The following SARS2 variants were observed in gnomAD, a reference collection of about 807,000 sequenced individuals.
SARS2 encodes serine--tRNA ligase, mitochondrial.
SARS2 carries 52 observed loss-of-function variants against 66.8 expected under a neutral mutation model. The ratio of observed to expected loss-of-function variants is 0.78; its 90% CI spans 0.62 to 0.98. The LOEUF is 0.98. SARS2 is among the 50% of genes least tolerant of loss of function. The pLI, the probability that SARS2 is intolerant of heterozygous loss-of-function variation, is 0.00. For synonymous variants in SARS2, 306 were observed against 281.4 expected (o/e 1.09, Z -0.87); for missense variants, 673 against 706.3 (o/e 0.95, Z 0.53).
chr19:38,920,858 TACAC>T (rs560436725), intron 5 of SARS2, among the ~76,000 whole-genome samples: 1 of 136,660 alleles, frequency 7.3e-6, no homozygotes, highest in African/African-American at 2.8e-5. Context: ...CACAGATACA[TACAC>T]ACAGATACAT....
intron 1 of SARS2, chr19:38,929,999 C>A (rs1369717934): frequency 6.3e-6 from 1 of 158,986 alleles, no homozygotes; most frequent in Non-Finnish European, 1.4e-5. Flanking sequence ...TTCATTCATT[C>A]ATTCATTAAC....
At chr19:38,921,288 C>T in intron 5 of SARS2, 104 bp downstream of exon 5, 1 of 1,242,816 alleles carries the variant, frequency 8.0e-7, no homozygotes, top group Non-Finnish European at 1.2e-6. Flanking sequence ...CAGGAGTTCT[C>T]CAGGCTCCAG....
chr19:38,921,285 T>C (rs928377589), intron 5 of SARS2, 107 bp downstream of exon 5: 3 of 1,196,712 alleles, frequency 2.5e-6, no homozygotes, highest in Non-Finnish European at 1.2e-6. Flanking sequence ...CGCCAGGAGT[T>C]CTCCAGGCTC....
Position 38,918,024 on chromosome 19 carries a change from G to T in SARS2, c.963-16C>A. On this transcript the variant is annotated splice_polypyrimidine_tract_variant and intron_variant, in intron 10 of 15. Transcript: ENST00000221431. ...GCAAACCATCCTGGCAGAGAGCAGG[G>T]AAAGTCGGGTCAAGGAGGGAAGACT... 1 of 1,600,530 alleles carries T rather than the reference G, an allele frequency of 6.2e-7. No homozygotes were observed. The highest frequency in any genetic ancestry group is 1.1e-5 in the South Asian group (1 of 89,002).
chr19:38,918,384 C>T (rs777495435), intron 9 of SARS2, 38 bp downstream of exon 9: 17 of 1,569,174 alleles, frequency 1.1e-5, no homozygotes, highest in Middle Eastern at 1.7e-4. Context: ...CCTTCCACAT[C>T]ACTCCTGCTC....
rs116797394 is a variant in SARS2, at chr19:38,916,362, G to A, written c.1161-48C>T. On this transcript the variant is annotated intron_variant, in intron 12 of 15. Transcript: ENST00000221431. ...GGGGAAGGTCAGCGGGTGAGAGGAG[G>A]AGCAAGAGGAACAAATGGAAACGAT... 3.7e-5 allele frequency: 56 copies of A among 1,532,432 alleles called. No homozygotes were observed. In the African/African-American group the frequency reaches 6.4e-4, roughly 18 times the overall value. The allele number at this position is 1,532,432 out of a possible 1,614,324, so 94.9% of individuals were successfully genotyped here.
intron 5 of SARS2, among the ~76,000 whole-genome samples, chr19:38,920,831 A>T (rs1974509743): frequency 6.6e-6 from 1 of 151,946 alleles, no homozygotes; most frequent in South Asian, 2.1e-4. Context: ...ACATACACAC[A>T]GACACAGAGA....
Position 38,921,687 on chromosome 19 carries a change from G to C in SARS2, c.394-20C>G. The C allele has an allele frequency of 6.2e-7, 1 of 1,613,614 alleles. No individual in the cohort carries two copies. Among genetic ancestry groups the C allele is most frequent in the Non-Finnish European group, 8.5e-7 (1 of 1,179,850 alleles). On this transcript the variant is annotated intron_variant, in intron 3 of 15. Coordinates refer to ENST00000221431, the MANE Select transcript of SARS2 (RefSeq NM_017827.4). Reference sequence around the variant, plus strand: ...GGGGTCCTGGGGGCAGCACAGGTGGGCTCAGCCCGGGAGAGGGTCAGGACT... The same window carrying C: ...GGGGTCCTGGGGGCAGCACAGGTGGCCTCAGCCCGGGAGAGGGTCAGGACT...
chr19:38,918,083 C>T lies in SARS2; in HGVS notation c.962+11G>A, dbSNP rs1332720838. ...CAGGTGGGGTCAAGGTCTAAGGAAACCAGGTGTCACCTGACTGGCAGGTCC... is the reference window on the plus strand; with the variant it reads ...CAGGTGGGGTCAAGGTCTAAGGAAATCAGGTGTCACCTGACTGGCAGGTCC... On this transcript the variant is annotated intron_variant, in intron 10 of 15. Transcript: ENST00000221431. 2 of 1,606,222 alleles carry T rather than the reference C, an allele frequency of 1.2e-6. No homozygotes were observed. Among genetic ancestry groups the T allele is most frequent in the South Asian group, 1.1e-5 (1 of 89,390 alleles).
rs1208789000 is a variant in SARS2 at position 38,915,828 on chromosome 19, C to T, written c.1413+13G>A. The stretch of plus-strand genomic sequence containing the variant: ...CTGAGCTGCCTCTCTGGGTGGGCCC[C>T]TCAGCCCCTCACCTTCTGCTGGTTA... On this transcript the variant is annotated intron_variant, in intron 15 of 15. Coordinates refer to ENST00000221431, the MANE Select transcript of SARS2 (RefSeq NM_017827.4). 1.1e-5 allele frequency: 17 copies of T among 1,613,394 alleles called. No homozygotes were observed. In the Admixed American group the frequency reaches 2.7e-4, roughly 25 times the overall value.
intron 2 of SARS2, among the ~76,000 whole-genome samples, chr19:38,924,038 A>T (rs1330609755): frequency 6.6e-6 from 1 of 152,058 alleles, no homozygotes; most frequent in African/African-American, 2.4e-5. Context: ...AGGCTGAGGC[A>T]CGAGAATCCC....
intron 9 of SARS2, 105 bp downstream of exon 9, chr19:38,918,317 G>T: frequency 8.2e-7 from 1 of 1,212,956 alleles, no homozygotes. Context: ...CCCTGGGGCT[G>T]CTGAGCTGCT....
rs767759146 is a variant in SARS2 at position 38,921,422 on chromosome 19, G to A, written c.559C>T (p.Arg187Ter). 6.2e-6 allele frequency: 10 copies of A among 1,613,762 alleles called. No individual in the cohort carries two copies. Among genetic ancestry groups the A allele is most frequent in the Admixed American group, 1.7e-5 (1 of 60,000 alleles). ...DVPVGDESQARVLHMVGDKPV... is the reference protein window; with the variant it reads ...DVPVGDESQA ...TTGTCTCCGACCATGTGGAGCACTC[G>A]AGCCTGGCTCTCATCCCCGACGGGC... is the stretch of plus-strand genomic sequence containing the variant. The change falls in exon 5 of 16, where the codon CGA (arginine) becomes TGA (stop). Residue 187 changes from arginine (R) to a stop codon, truncating the protein, a stop_gained. Coordinates refer to ENST00000221431, the MANE Select transcript of SARS2 (RefSeq NM_017827.4). LOFTEE classifies it high-confidence loss of function.
Position 38,915,764 on chromosome 19 carries a change from G to A in SARS2, c.1414-15C>T, listed in dbSNP as rs1055929092. ...ACTGAGCCGTCCTGGGGACAGAGCA[G>A]ACCTCAGGACACTGCAGATGCCCCA... On this transcript the variant is annotated splice_polypyrimidine_tract_variant and intron_variant, in intron 15 of 15. Coordinates refer to ENST00000221431, the MANE Select transcript of SARS2 (RefSeq NM_017827.4). The A allele has an allele frequency of 3.1e-6, 5 of 1,613,124 alleles. No homozygotes were observed. Among genetic ancestry groups the A allele is most frequent in the Non-Finnish European group, 1.7e-6 (2 of 1,179,984 alleles).
intron 6 of SARS2, 74 bp from the exon 7 acceptor site, chr19:38,919,941 G>C: frequency 7.0e-7 from 1 of 1,426,962 alleles, no homozygotes; most frequent in Non-Finnish European, 9.8e-7. Context: ...ACACCCGGGG[G>C]AAGAGGCCCG....
chr19:38,919,378 T>G (rs533034043), intron 7 of SARS2, among the ~76,000 whole-genome samples: 1 of 152,320 alleles, frequency 6.6e-6, no homozygotes, highest in African/African-American at 2.4e-5. Flanking sequence ...TCTGAGTTCC[T>G]CACCGTGACC....
intron 1 of SARS2, among the ~76,000 whole-genome samples, chr19:38,928,518 T>C (rs1974670289): frequency 6.7e-6 from 1 of 150,212 alleles, no homozygotes; most frequent in Non-Finnish European, 1.5e-5. Flanking sequence ...GAGCAATAAT[T>C]GTTAATGAAA....
rs371203328 is a variant in SARS2, at chr19:38,915,480, C to G, written c.*126G>C. On this transcript the variant is annotated 3_prime_UTR_variant, in exon 16 of 16. Transcript: ENST00000221431. The stretch of plus-strand genomic sequence containing the variant: ...AGGTGGACCCCGTGGTCCAGGGGCC[C>G]GGGCGTGGAGCTGACAGGAAGAACA... The G allele has an allele frequency of 8.6e-7, 1 of 1,168,328 alleles. No homozygotes were observed. 72.4% of individuals were successfully genotyped at this position (1,168,328 alleles called of 1,614,324 possible). A position where few individuals can be genotyped will look rare whatever the true frequency, so the allele number is the denominator to read the frequency against.
chr19:38,924,320 C>T (rs1974593521), intron 2 of SARS2, among the ~76,000 whole-genome samples: 1 of 152,174 alleles, frequency 6.6e-6, no homozygotes, highest in Non-Finnish European at 1.5e-5. Context: ...TGGGCACCTA[C>T]ATGCTGTGAG....
Sources: allele counts gnomAD v4.1 joint callset (sites outside exome capture counted in the v4.1 genomes callset), GRCh38; gene constraint gnomAD v4.1.1; transcripts MANE v1.5; gene names NCBI Gene and HGNC (gene_info 2026-07-23, HGNC 2026-07-21).